The following C3orf22 variants were observed in gnomAD, a reference collection of about 807,000 sequenced individuals.
C3orf22 encodes chromosome 3 open reading frame 22, also known as uncharacterized protein C3orf22.
C3orf22 carries 7 observed loss-of-function variants against 10.8 expected under a neutral mutation model. That is an observed-to-expected ratio of 0.65 (90% CI 0.37 to 1.22). The LOEUF is 1.22. Ranked by LOEUF, C3orf22 falls within the 50% of genes most tolerant of loss-of-function variation. The pLI, the probability that C3orf22 is intolerant of heterozygous loss-of-function variation, is 0.02. For synonymous variants in C3orf22, 79 were observed against 78.9 expected (o/e 1.00, Z 0.00); for missense variants, 173 against 177.0 (o/e 0.98, Z 0.13).
chr3:126,540,907 G>A (rs1460164062), intron 4 of C3orf22, among the ~76,000 whole-genome samples: 1 of 152,188 alleles, frequency 6.6e-6, no homozygotes, highest in Admixed American at 6.5e-5. Flanking sequence ...GGCTCTTAAT[G>A]TAATTTTAAG....
chr3:126,553,737 TG>T (rs1937259349), intron 1 of C3orf22, among the ~76,000 whole-genome samples: 2 of 152,198 alleles, frequency 1.3e-5, no homozygotes, highest in African/African-American at 2.4e-5. Context: ...GGCAGCCATG[TG>T]ATTTCAGGAG....
At chr3:126,556,642 TCCCA>T (rs1263702789) in intron 1 of C3orf22, among the ~76,000 whole-genome samples, 4 of 15,288 alleles carry the variant, frequency 2.6e-4, no homozygotes, top group East Asian at 2.2e-3. Context: ...TGACTGCCGT[TCCCA>T]CACACACACA....
chr3:126,536,295 C>T (rs1485593245), intron 4 of C3orf22: 1 of 1,614,042 alleles, frequency 6.2e-7, no homozygotes, highest in East Asian at 2.2e-5. Flanking sequence ...GCCCTGGGCT[C>T]CAGCTGGCTT....
intron 1 of C3orf22, among the ~76,000 whole-genome samples, chr3:126,554,564 C>T (rs976720307): frequency 2.0e-5 from 3 of 152,090 alleles, no homozygotes; most frequent in Non-Finnish European, 4.4e-5. Flanking sequence ...GCGCCTGGCC[C>T]GGCTGTACAT....
intron 1 of C3orf22, among the ~76,000 whole-genome samples, chr3:126,557,769 C>T (rs1031465807): frequency 3.9e-5 from 6 of 152,244 alleles, no homozygotes; most frequent in African/African-American, 9.6e-5. Context: ...CACGACCTGT[C>T]CCTTGCCCGC....
rs137999322 is a variant in C3orf22, at chr3:126,528,368, A to G, written c.*219-495T>C. On this transcript the variant is annotated intron_variant and NMD_transcript_variant, in intron 5 of 5. Coordinates refer to the C3orf22 transcript ENST00000505070. ...CTTCCATGTAGATCTGACCTTCCAG[A>G]GTGATCAACCTACACAGAACTCAAA... 3.7e-4 allele frequency among the ~76,000 whole-genome samples: 57 copies of G among 152,188 alleles called. No homozygotes were observed. In the East Asian group the frequency reaches 6.8e-3, roughly 18 times the overall value.
In C3orf22 at chr3:126,533,815, T is replaced by C. The variant is rs188515114; in HGVS notation, c.287-4443A>G. On this transcript the variant is annotated intron_variant and NMD_transcript_variant, in intron 4 of 5. Coordinates refer to the C3orf22 transcript ENST00000505070. ...AGATTGGTGTTAATTCTTTAAACATTTAGTAAAATTTACCAGTGAAGCCAT... is the reference window on the plus strand; with the variant it reads ...AGATTGGTGTTAATTCTTTAAACATCTAGTAAAATTTACCAGTGAAGCCAT... 2.0e-5 allele frequency among the ~76,000 whole-genome samples: 3 copies of C among 152,320 alleles called. No homozygotes were observed. In the East Asian group the frequency reaches 5.8e-4, roughly 29 times the overall value.
chr3:126,528,440 C>G (rs891203006), intron 5 of C3orf22, among the ~76,000 whole-genome samples: 1 of 152,074 alleles, frequency 6.6e-6, no homozygotes, highest in South Asian at 2.1e-4. Context: ...AGCAGTGAAC[C>G]AGGAAGGGTG....
In C3orf22 at chr3:126,542,047, C is replaced by T. The variant is rs371981274; in HGVS notation, c.286+7490G>A. 1.0e-5 allele frequency: 16 copies of T among 1,576,378 alleles called. No individual in the cohort carries two copies. In the Admixed American group the frequency reaches 1.2e-4, roughly 12 times the overall value. On this transcript the variant is annotated intron_variant and NMD_transcript_variant, in intron 4 of 5. Coordinates refer to the C3orf22 transcript ENST00000505070. ...CCGCCGAGATCAACCGGCGCCTGCGCGCCTACTTGGCCTTCCTGTTCGTGC... is the reference window on the plus strand; with the variant it reads ...CCGCCGAGATCAACCGGCGCCTGCGTGCCTACTTGGCCTTCCTGTTCGTGC...
rs1937002942 is a variant in C3orf22 at position 126,542,905 on chromosome 3, C to T, written c.286+6632G>A. On this transcript the variant is annotated intron_variant and NMD_transcript_variant, in intron 4 of 5. Coordinates refer to the C3orf22 transcript ENST00000505070. Reference sequence around the variant, plus strand: ...GGCTTTTAAAGGCCATTTTGGGGGTCAGCCCTGCCCCTGAACCTGTTCATG... The same window carrying T: ...GGCTTTTAAAGGCCATTTTGGGGGTTAGCCCTGCCCCTGAACCTGTTCATG... 3 of 217,036 alleles carry T rather than the reference C, an allele frequency of 1.4e-5. No individual in the cohort carries two copies. In the South Asian group the frequency reaches 4.1e-4, roughly 30 times the overall value. The allele number at this position is 217,036 out of a possible 1,614,324, so 13.4% of individuals were successfully genotyped here. A position where few individuals can be genotyped will look rare whatever the true frequency, so the allele number is the denominator to read the frequency against.
intron 1 of C3orf22, among the ~76,000 whole-genome samples, chr3:126,554,154 A>C (rs1177997228): frequency 1.3e-5 from 2 of 152,070 alleles, no homozygotes; most frequent in Admixed American, 6.6e-5. Flanking sequence ...AGCTGGGAGC[A>C]CAGGCATGTG....
chr3:126,549,034 A>AC (rs1937117531), downstream of C3orf22, among the ~76,000 whole-genome samples: 1 of 151,970 alleles, frequency 6.6e-6, no homozygotes, highest in Non-Finnish European at 1.5e-5. Context: ...TTCAGCAGGC[A>AC]CCCCGCTGCC....
At chr3:126,533,836 G>A (rs966616475) in intron 4 of C3orf22, among the ~76,000 whole-genome samples, 4 of 152,092 alleles carry the variant, frequency 2.6e-5, no homozygotes, top group African/African-American at 9.7e-5. Flanking sequence ...TACCAGTGAA[G>A]CCATCTGATC....
chr3:126,545,864 C>A (rs1937059112), downstream of C3orf22, among the ~76,000 whole-genome samples: 1 of 152,228 alleles, frequency 6.6e-6, no homozygotes, highest in South Asian at 2.1e-4. Context: ...GGGACAGATG[C>A]TCCAATGGGC....
intron 1 of C3orf22, among the ~76,000 whole-genome samples, chr3:126,558,396 C>T (rs547395784): frequency 1.3e-5 from 2 of 152,148 alleles, no homozygotes; most frequent in African/African-American, 4.8e-5. Flanking sequence ...GACAGGAGCG[C>T]CCCTCAGCCC....
At chr3:126,545,924 C>T (rs970871858), downstream of C3orf22, among the ~76,000 whole-genome samples, 3 of 152,234 alleles carry the variant, frequency 2.0e-5, no homozygotes, top group Non-Finnish European at 4.4e-5. Flanking sequence ...GTCCCTAGGG[C>T]CTGGCCCTTT....
intron 3 of C3orf22, among the ~76,000 whole-genome samples, chr3:126,550,465 C>T (rs1368612942): frequency 1.3e-5 from 2 of 152,216 alleles, no homozygotes; most frequent in Non-Finnish European, 2.9e-5. Context: ...GCCAACCTGA[C>T]TGTGAGGACA....
chr3:126,544,158 T>C (rs1442660434), intron 4 of C3orf22, among the ~76,000 whole-genome samples: 1 of 152,102 alleles, frequency 6.6e-6, no homozygotes, highest in African/African-American at 2.4e-5. Context: ...GGTTGATGGA[T>C]TAATGAGTCA....
chr3:126,550,060 A>G lies in C3orf22; in HGVS notation c.234T>C (p.Phe78=). Residue 78 remains phenylalanine (F), a synonymous_variant, in exon 4 of 4, where the codon TTT becomes TTC. Coordinates refer to ENST00000318225, the MANE Select transcript of C3orf22 (RefSeq NM_152533.3). ...IPVRGLGAPD[F]TSPSGSCPAP... ...CCGGGCAGGAGCCAGACGGTGATGT[A>G]AAATCTGGAGCCCCGAGCCTAGAGA... The G allele has an allele frequency of 6.2e-7, 1 of 1,613,850 alleles. No individual in the cohort carries two copies. Among genetic ancestry groups the G allele is most frequent in the Non-Finnish European group, 8.5e-7 (1 of 1,179,852 alleles).
Sources: gnomAD v4.1 joint callset for allele counts (sites outside exome capture counted in the v4.1 genomes callset) on GRCh38, gnomAD v4.1.1 for gene constraint, MANE v1.5 for transcripts, NCBI Gene and HGNC (gene_info 2026-07-23, HGNC 2026-07-21) for gene names.